The following CNTNAP4 variants were observed in gnomAD, a reference collection of about 807,000 sequenced individuals.
The protein encoded by CNTNAP4 is contactin-associated protein-like 4.
Under a neutral mutation model 148.4 loss-of-function variants are expected in CNTNAP4, and 98 were observed. The observed-to-expected ratio is 0.66, with a 90% confidence interval of 0.56 to 0.78. CNTNAP4 has a LOEUF of 0.78. Ranked by LOEUF, CNTNAP4 falls within the 30% of genes least tolerant of loss-of-function variation. CNTNAP4 has a pLI of 0.00. For synonymous variants in CNTNAP4, 730 were observed against 565.1 expected (o/e 1.29, Z -4.14); for missense variants, 1,935 against 1,565.6 (o/e 1.24, Z -3.98).
At chr16:76,470,482 A>AATATATATATATATATATAT (rs67354977) in intron 10 of CNTNAP4, among the ~76,000 whole-genome samples, 2,307 of 96,788 alleles carry the variant, frequency 0.024, 203 homozygotes, top group African/African-American at 0.079. Flanking sequence ...CTCTACTAAT[A>AATATATATATATATATATAT]ATATATATAT....
chr16:76,407,962 A>T (rs945908439), intron 3 of CNTNAP4, among the ~76,000 whole-genome samples: 10 of 152,106 alleles, frequency 6.6e-5, no homozygotes, highest in Non-Finnish European at 1.5e-4. Flanking sequence ...ACCTTCAGCA[A>T]CCACCACCCT....
intron 21 of CNTNAP4, among the ~76,000 whole-genome samples, chr16:76,547,288 C>A (rs2084779085): frequency 6.6e-6 from 1 of 152,024 alleles, no homozygotes; most frequent in Admixed American, 6.6e-5. Context: ...AGAGAGATCG[C>A]AATTAAGATA....
intron 2 of CNTNAP4, among the ~76,000 whole-genome samples, chr16:76,343,972 G>A (rs1221636658): frequency 6.6e-6 from 1 of 152,106 alleles, no homozygotes; most frequent in Non-Finnish European, 1.5e-5. Context: ...AACTAGCCAG[G>A]GTGCACGGAT....
chr16:76,279,041 T>G (rs1188586069), intron 1 of CNTNAP4, among the ~76,000 whole-genome samples: 1 of 152,168 alleles, frequency 6.6e-6, no homozygotes, highest in African/African-American at 2.4e-5. Context: ...AATGTATAAT[T>G]TCACCTAGTC....
chr16:76,385,170 T>A (rs936066219), intron 3 of CNTNAP4, among the ~76,000 whole-genome samples: 1 of 152,234 alleles, frequency 6.6e-6, no homozygotes, highest in Non-Finnish European at 1.5e-5. Context: ...CCTTGATGCT[T>A]ACTCCAGATT....
chr16:76,367,114 G>A (rs2014233672), intron 3 of CNTNAP4, among the ~76,000 whole-genome samples: 1 of 151,722 alleles, frequency 6.6e-6, no homozygotes, highest in Non-Finnish European at 1.5e-5. Context: ...GAACACATGG[G>A]ACATCTGTTA....
At chr16:76,522,696 CTTTTCTTTTCTTTTCTTTTCTTTTCTT>C (rs2083526181) in intron 17 of CNTNAP4, among the ~76,000 whole-genome samples, 5 of 26,200 alleles carry the variant, frequency 1.9e-4, no homozygotes, top group South Asian at 1.5e-3. Context: ...CCTTTCTTTT[CTTTTCTTTTCTTTTCTTTTCTTTTCTT>C]TTCTTTTCTT....
At chr16:76,391,192 A>G (rs943956146) in intron 3 of CNTNAP4, among the ~76,000 whole-genome samples, 3 of 152,154 alleles carry the variant, frequency 2.0e-5, no homozygotes, top group African/African-American at 7.2e-5. Context: ...TTGACAGCAA[A>G]TCACACTGAC....
At chr16:76,303,985 A>T (rs375865426) in intron 1 of CNTNAP4, among the ~76,000 whole-genome samples, 1 of 152,192 alleles carries the variant, frequency 6.6e-6, no homozygotes, top group East Asian at 1.9e-4. Flanking sequence ...ACTTTTATTC[A>T]GTTCACTTTT....
chr16:76,526,461 G>T (rs1437106018), intron 17 of CNTNAP4, among the ~76,000 whole-genome samples: 2 of 152,088 alleles, frequency 1.3e-5, no homozygotes. Context: ...ATGGATGGAG[G>T]AAATGGAGGG....
chr16:76,487,542 T>G (rs946096539), intron 12 of CNTNAP4, among the ~76,000 whole-genome samples: 1 of 152,214 alleles, frequency 6.6e-6, no homozygotes, highest in Non-Finnish European at 1.5e-5. Flanking sequence ...GGCTCTAATT[T>G]GAGACTTTTC....
intron 4 of CNTNAP4, among the ~76,000 whole-genome samples, chr16:76,445,422 C>T (rs192528660): frequency 1.8e-3 from 280 of 152,138 alleles, no homozygotes; most frequent in Non-Finnish European, 3.1e-3. Context: ...ATCTGGCACA[C>T]TGATTCAAAC....
rs1342445741 is a variant in CNTNAP4 at position 76,508,195 on chromosome 16, A to G, written c.2365+9501A>G. On this transcript the variant is annotated intron_variant, in intron 15 of 23. Transcript: ENST00000611870. Reference sequence around the variant, plus strand: ...AGAATGATTTAATATATGCATGTAAAGAAACCTACAGCTTATGAATTATTA... The same window carrying G: ...AGAATGATTTAATATATGCATGTAAGGAAACCTACAGCTTATGAATTATTA... 2.1e-5 allele frequency among the ~76,000 whole-genome samples: 2 copies of G among 97,272 alleles called. 1 individual carries two copies. The highest frequency in any genetic ancestry group is 5.1e-5 in the African/African-American group (2 of 38,900). 63.8% of individuals were successfully genotyped at this position (97,272 alleles called of 152,430 possible).
Position 76,296,283 on chromosome 16 carries a change from A to G in CNTNAP4, c.85+18536A>G, listed in dbSNP as rs9933968. 9.1e-3 allele frequency among the ~76,000 whole-genome samples: 1,390 copies of G among 152,322 alleles called. 19 individuals are homozygous for G. The highest frequency in any genetic ancestry group is 0.031 in the African/African-American group (1,302 of 41,568). On this transcript the variant is annotated intron_variant, in intron 1 of 23. Coordinates refer to ENST00000611870, the MANE Select transcript of CNTNAP4 (RefSeq NM_033401.5). Reference sequence around the variant, plus strand: ...TGATTCTTCCGCAACACAGAGCATTATAATGTTTTCCTGCCTTCCATTCAA... The same window carrying G: ...TGATTCTTCCGCAACACAGAGCATTGTAATGTTTTCCTGCCTTCCATTCAA...
At chr16:76,339,254 A>G (rs1197415412) in intron 2 of CNTNAP4, among the ~76,000 whole-genome samples, 1 of 152,164 alleles carries the variant, frequency 6.6e-6, no homozygotes, top group Non-Finnish European at 1.5e-5. Context: ...GTTTATTAAC[A>G]ATTGGAAATG....
At chr16:76,551,686 A>C (rs552960987) in intron 21 of CNTNAP4, among the ~76,000 whole-genome samples, 2 of 152,094 alleles carry the variant, frequency 1.3e-5, no homozygotes, top group East Asian at 1.9e-4. Context: ...TGGATAATAT[A>C]CTCCAGTGTC....
intron 4 of CNTNAP4, among the ~76,000 whole-genome samples, chr16:76,434,893 A>G (rs2079760805): frequency 6.6e-6 from 1 of 152,124 alleles, no homozygotes; most frequent in African/African-American, 2.4e-5. Flanking sequence ...AACTCCATTA[A>G]TCACCTGACC....
intron 12 of CNTNAP4, among the ~76,000 whole-genome samples, chr16:76,483,242 A>ACACACG (rs1313974190): frequency 7.3e-6 from 1 of 137,818 alleles, no homozygotes; most frequent in Non-Finnish European, 1.6e-5. Flanking sequence ...ACACACACAC[A>ACACACG]CACACACACA....
At chr16:76,408,061 T>TC (rs2078660987) in intron 3 of CNTNAP4, among the ~76,000 whole-genome samples, 1 of 151,946 alleles carries the variant, frequency 6.6e-6, no homozygotes, top group African/African-American at 2.4e-5. Flanking sequence ...TGATTAGTAT[T>TC]TTTTTTAGCA....
Sources: allele counts gnomAD v4.1 joint callset (sites outside exome capture counted in the v4.1 genomes callset), GRCh38; gene constraint gnomAD v4.1.1; transcripts MANE v1.5; gene names NCBI Gene and HGNC (gene_info 2026-07-23, HGNC 2026-07-21).